LY86: variants seen among roughly 807,000 people sequenced by gnomAD.
LY86 encodes the protein lymphocyte antigen 86, also known as MD-1, RP105-associated.
LY86 carries 20 observed loss-of-function variants against 17.3 expected under a neutral mutation model. That is an observed-to-expected ratio of 1.15 (90% CI 0.81 to 1.68). The LOEUF (loss-of-function observed/expected upper bound fraction) is 1.68. LY86 is among the 40% of genes most tolerant of loss of function. The pLI is 0.00. For synonymous variants in LY86, 74 were observed against 70.6 expected (o/e 1.05, Z -0.24); for missense variants, 200 against 191.9 (o/e 1.04, Z -0.25).
chr6:6,637,640 A>G (rs768222917), intron 3 of LY86, among the ~76,000 whole-genome samples: 9 of 152,168 alleles, frequency 5.9e-5, no homozygotes, highest in Non-Finnish European at 1.3e-4. Flanking sequence ...TGGATCCCAG[A>G]GCTGCTGGTA....
chr6:6,604,571 C>G (rs1424407178), intron 1 of LY86, among the ~76,000 whole-genome samples: 2 of 151,930 alleles, frequency 1.3e-5, no homozygotes, highest in Non-Finnish European at 2.9e-5. Context: ...AAATATGGAG[C>G]TACAGCTATA....
At chr6:6,613,390 G>A (rs559250463) in intron 1 of LY86, among the ~76,000 whole-genome samples, 5 of 152,360 alleles carry the variant, frequency 3.3e-5, no homozygotes, top group African/African-American at 9.6e-5. Flanking sequence ...TGGGGAGCGG[G>A]AGGAGACTTC....
intron 3 of LY86, among the ~76,000 whole-genome samples, chr6:6,626,958 C>G (rs543074156): frequency 7.7e-4 from 118 of 152,326 alleles, no homozygotes; most frequent in African/African-American, 2.5e-3. Flanking sequence ...TTCGGCAGTG[C>G]ACCAACCCTC....
chr6:6,602,632 C>T (rs543975317), intron 1 of LY86, among the ~76,000 whole-genome samples: 10 of 152,260 alleles, frequency 6.6e-5, no homozygotes, highest in African/African-American at 1.9e-4. Flanking sequence ...AAGAAGCCAG[C>T]GCAGGCCACC....
chr6:6,642,400 C>T (rs1043706407), intron 3 of LY86, among the ~76,000 whole-genome samples: 1 of 152,162 alleles, frequency 6.6e-6, no homozygotes, highest in Admixed American at 6.5e-5. Context: ...TTGAATGGCC[C>T]GGGAGCTTGA....
chr6:6,606,053 G>A (rs150757827), intron 1 of LY86, among the ~76,000 whole-genome samples: 9 of 152,336 alleles, frequency 5.9e-5, no homozygotes, highest in East Asian at 1.9e-4. Flanking sequence ...GCAGGTTACT[G>A]CTGCTAGCGC....
At chr6:6,644,373 G>A (rs534353432) in intron 3 of LY86, among the ~76,000 whole-genome samples, 6 of 152,248 alleles carry the variant, frequency 3.9e-5, no homozygotes, top group East Asian at 1.9e-4. Flanking sequence ...AAAACTAGGC[G>A]TGTATGGTGG....
intron 3 of LY86, 119 bp from the exon 4 acceptor site, chr6:6,649,506 T>TCATTAAAAA: frequency 1.9e-6 from 1 of 516,478 alleles, no homozygotes; most frequent in South Asian, 3.2e-5. Context: ...TTTCTAGCAA[T>TCATTAAAAA]AGCTGCTCTT....
chr6:6,648,717 C>G (rs928769395), intron 3 of LY86, among the ~76,000 whole-genome samples: 8 of 152,102 alleles, frequency 5.3e-5, no homozygotes, highest in African/African-American at 1.9e-4. Context: ...TAATTCCCCA[C>G]CACCCTAGGA....
intron 3 of LY86, among the ~76,000 whole-genome samples, chr6:6,635,524 A>G (rs1223656753): frequency 6.6e-6 from 1 of 152,160 alleles, no homozygotes; most frequent in Non-Finnish European, 1.5e-5. Context: ...GACTGCAGAA[A>G]GTGAAACTGC....
chr6:6,648,765 G>GAAAAA (rs141102342), intron 3 of LY86, among the ~76,000 whole-genome samples: 1 of 144,478 alleles, frequency 6.9e-6, no homozygotes, highest in African/African-American at 2.6e-5. Flanking sequence ...ACCCATCTTG[G>GAAAAA]AAAAAAGAAA....
At chr6:6,620,182 C>A (rs1261740809) in intron 1 of LY86, among the ~76,000 whole-genome samples, 1 of 152,134 alleles carries the variant, frequency 6.6e-6, no homozygotes, top group Non-Finnish European at 1.5e-5. Flanking sequence ...CTGGTGACAT[C>A]TGAATAAACT....
At chr6:6,642,260 C>G (rs1762050399) in intron 3 of LY86, among the ~76,000 whole-genome samples, 1 of 152,232 alleles carries the variant, frequency 6.6e-6, no homozygotes, top group African/African-American at 2.4e-5. Flanking sequence ...CAGGCACATT[C>G]TGTGCAACTG....
At chr6:6,594,369 T>G (rs1010812865) in intron 1 of LY86, among the ~76,000 whole-genome samples, 9 of 152,260 alleles carry the variant, frequency 5.9e-5, no homozygotes, top group African/African-American at 2.2e-4. Flanking sequence ...ACATGGAAAT[T>G]ATCTGAAATT....
chr6:6,624,859 A>C, intron 1 of LY86, 67 bp from the exon 2 acceptor site: 4 of 714,508 alleles, frequency 5.6e-6, no homozygotes, highest in Non-Finnish European at 9.8e-6. Flanking sequence ...ATATTGTTGC[A>C]AATTTTGAAT....
Position 6,608,624 on chromosome 6 carries a change from A to G in LY86, c.137-16302A>G, listed in dbSNP as rs755980310. ...TGCTCTAGTTGTATCAGTTTTGTCCAGTAATGTTTCCATGCACACTAACAG... is the reference window on the plus strand; with the variant it reads ...TGCTCTAGTTGTATCAGTTTTGTCCGGTAATGTTTCCATGCACACTAACAG... On this transcript the variant is annotated intron_variant, in intron 1 of 4. Coordinates refer to ENST00000230568, the MANE Select transcript of LY86 (RefSeq NM_004271.4). Among the ~76,000 whole-genome samples, 23 of 152,362 alleles carry G rather than the reference A, an allele frequency of 1.5e-4. 1 individual carries two copies. The highest frequency in any genetic ancestry group is 2.1e-4 in the South Asian group (1 of 4,830).
chr6:6,609,861 G>A (rs78161087), intron 1 of LY86, among the ~76,000 whole-genome samples: 1 of 150,064 alleles, frequency 6.7e-6, no homozygotes, highest in Admixed American at 6.6e-5. Flanking sequence ...AAAAAAAAAA[G>A]AATTCGTGCT....
intron 3 of LY86, among the ~76,000 whole-genome samples, chr6:6,641,064 T>C (rs1162763327): frequency 6.6e-6 from 1 of 152,224 alleles, no homozygotes; most frequent in Admixed American, 6.5e-5. Context: ...AGTACACTTG[T>C]GATTCCAAAA....
chr6:6,623,054 A>G (rs1332172988), intron 1 of LY86, among the ~76,000 whole-genome samples: 2 of 152,234 alleles, frequency 1.3e-5, no homozygotes, highest in Non-Finnish European at 1.5e-5. Flanking sequence ...AATCATACCT[A>G]TCTCTTCAGA....
Sources: gnomAD v4.1 joint callset for allele counts (sites outside exome capture counted in the v4.1 genomes callset) on GRCh38, gnomAD v4.1.1 for gene constraint, MANE v1.5 for transcripts, NCBI Gene and HGNC (gene_info 2026-07-23, HGNC 2026-07-21) for gene names.